Variants in FOXP4 observed in about 807,000 individuals in gnomAD.
The protein encoded by FOXP4 is forkhead box P4, also known as forkhead box protein P4.
Under a neutral mutation model 82.6 loss-of-function variants are expected in FOXP4, and 25 were observed. The ratio of observed to expected loss-of-function variants is 0.30; its 90% confidence interval spans 0.22 to 0.42. The LOEUF is 0.42. FOXP4 is among the 10% of genes least tolerant of loss of function. The pLI is 1.00. For missense variants in FOXP4, 785 were observed against 900.9 expected, an observed-to-expected ratio of 0.87 and a Z score of 1.65; for synonymous variants, 415 against 388.2, an observed-to-expected ratio of 1.07 and a Z score of -0.81.
rs758748324 is a variant in FOXP4 at position 41,587,430 on chromosome 6, G to A, written c.790G>A (p.Ala264Thr). Residue 264 changes from alanine (A) to threonine (T), a missense_variant, in exon 7 of 17, where the codon GCT becomes ACT. Transcript: ENST00000307972. The stretch of plus-strand genomic sequence containing the variant: ...GGCCGCCACCGCTACCTCGTTTGCC[G>A]CTCCCCCCAAGGTCTCACCCCCCCT... The part of the protein sequence containing the change: ...GTAATATSFA[A>T]PPKVSPPLSH... 1.4e-5 allele frequency: 22 copies of A among 1,575,054 alleles called. No homozygotes were observed. In the East Asian group the frequency reaches 2.9e-4, roughly 21 times the overall value.
At chr6:41,572,250 G>A (rs750748769) in intron 2 of FOXP4, among the ~76,000 whole-genome samples, 1 of 152,054 alleles carries the variant, frequency 6.6e-6, no homozygotes, top group Admixed American at 6.6e-5. Context: ...TGGAAGAGTT[G>A]CCTCCTCCTG....
chr6:41,560,476 G>A (rs4714483), intron 1 of FOXP4, among the ~76,000 whole-genome samples: 53,033 of 152,072 alleles, frequency 0.35, 9,855 homozygotes, highest in African/African-American at 0.48. Flanking sequence ...ACCTGTGGTC[G>A]TTCCCCACCC....
chr6:41,564,159 G>C (rs1764744639), intron 1 of FOXP4, among the ~76,000 whole-genome samples: 1 of 152,198 alleles, frequency 6.6e-6, no homozygotes, highest in Admixed American at 6.5e-5. Flanking sequence ...TCATACTAAA[G>C]ATATTGGAAC....
chr6:41,586,305 A>C (rs1766115328), intron 5 of FOXP4, among the ~76,000 whole-genome samples: 1 of 150,712 alleles, frequency 6.6e-6, no homozygotes, highest in Non-Finnish European at 1.5e-5. Context: ...CCCAGCAGGC[A>C]GGCAGAGACA....
chr6:41,596,230 C>G (rs1220911622), intron 14 of FOXP4, among the ~76,000 whole-genome samples: 1 of 152,224 alleles, frequency 6.6e-6, no homozygotes, highest in Non-Finnish European at 1.5e-5. Flanking sequence ...AACTGAGGAG[C>G]CTGGGACAGG....
intron 3 of FOXP4, among the ~76,000 whole-genome samples, chr6:41,580,887 A>G (rs1765760932): frequency 6.6e-6 from 1 of 152,158 alleles, no homozygotes; most frequent in South Asian, 2.1e-4. Flanking sequence ...AGCCACGTTC[A>G]CCATCCCTCT....
At chr6:41,555,612 G>A (rs73733276) in intron 1 of FOXP4, among the ~76,000 whole-genome samples, 1,983 of 152,268 alleles carry the variant, frequency 0.013, 30 homozygotes, top group African/African-American at 0.043. Context: ...GGCCCTGGGC[G>A]AATTGCCCCT....
At chr6:41,597,710 G>A in intron 15 of FOXP4, 71 bp from the exon 16 acceptor site, 3 of 1,531,922 alleles carry the variant, frequency 2.0e-6, no homozygotes, top group Non-Finnish European at 2.6e-6. Flanking sequence ...GGGCGGGGAA[G>A]GCACAGCACT....
chr6:41,578,856 TC>T (rs1194150154), intron 3 of FOXP4, among the ~76,000 whole-genome samples: 4 of 151,084 alleles, frequency 2.6e-5, no homozygotes, highest in Non-Finnish European at 4.4e-5. Context: ...GGATCCATGC[TC>T]CCCCCACCCC....
At chr6:41,574,259 T>C (rs1765353861) in intron 2 of FOXP4, among the ~76,000 whole-genome samples, 1 of 152,168 alleles carries the variant, frequency 6.6e-6, no homozygotes, top group African/African-American at 2.4e-5. Flanking sequence ...CGCTGGACTG[T>C]GCATGGGATC....
In FOXP4 at chr6:41,591,461, C is replaced by A; in HGVS notation, c.1536+139C>A. ...CAGCCACCCAAGGGCCCAGCCAGGGCTGCATGCCCACGCCCACCTCAGCAG... is the reference window on the plus strand; with the variant it reads ...CAGCCACCCAAGGGCCCAGCCAGGGATGCATGCCCACGCCCACCTCAGCAG... On this transcript the variant is annotated intron_variant, in intron 13 of 16. Coordinates refer to ENST00000307972, the MANE Select transcript of FOXP4 (RefSeq NM_001012426.2). This position sits in a 1 kb window ranked among gnomAD's most constrained non-coding sequence, Gnocchi z 4.2. The A allele has an allele frequency of 1.4e-6, 1 of 717,046 alleles. No individual in the cohort carries two copies. The highest frequency in any genetic ancestry group is 2.4e-6 in the Non-Finnish European group (1 of 415,734). The allele number at this position is 717,046 out of a possible 1,614,324, so 44.4% of individuals were successfully genotyped here. A position where few individuals can be genotyped will look rare whatever the true frequency, so the allele number is the denominator to read the frequency against.
At chr6:41,563,698 G>A (rs898207353) in intron 1 of FOXP4, among the ~76,000 whole-genome samples, 3 of 152,216 alleles carry the variant, frequency 2.0e-5, no homozygotes, top group African/African-American at 7.2e-5. Context: ...TTGGGGGCTT[G>A]CTCTGTCAGG....
Position 41,563,184 on chromosome 6 carries a change from C to T in FOXP4, c.-16-2561C>T, listed in dbSNP as rs536970595. ...ACTCAGACTTACTGGGACAGTGACA[C>T]CCAGAGTCACAGATGAAGAGGGGCC... On this transcript the variant is annotated intron_variant, in intron 1 of 16. Coordinates refer to ENST00000307972, the MANE Select transcript of FOXP4 (RefSeq NM_001012426.2). 2.0e-5 allele frequency among the ~76,000 whole-genome samples: 3 copies of T among 152,302 alleles called. No homozygotes were observed. In the East Asian group the frequency reaches 5.8e-4, roughly 29 times the overall value.
chr6:41,554,592 G>GCTCATGCCTGTAGTCCCAGCAC (rs1343397702), intron 1 of FOXP4, among the ~76,000 whole-genome samples: 16 of 152,234 alleles, frequency 1.1e-4, no homozygotes, highest in Non-Finnish European at 2.1e-4. Context: ...AGGCACAGTG[G>GCTCATGCCTGTAGTCCCAGCAC]CTCATGCCTG....
At chr6:41,594,844 T>A (rs370240207) in intron 13 of FOXP4, 26 bp from the exon 14 acceptor site, 9 of 1,613,232 alleles carry the variant, frequency 5.6e-6, no homozygotes, top group Middle Eastern at 1.7e-4. Context: ...AAGCCGCCTC[T>A]GAGCTCCTCT....
Position 41,588,712 on chromosome 6 carries a change from T to C in FOXP4, c.1046T>C (p.Val349Ala). 1 of 1,613,742 alleles carries C rather than the reference T, an allele frequency of 6.2e-7. No homozygotes were observed. Among genetic ancestry groups the C allele is most frequent in the Non-Finnish European group, 8.5e-7 (1 of 1,179,998 alleles). The change falls in exon 9 of 17, where the codon GTG becomes GCG. Residue 349 changes from valine to alanine, a missense_variant. Physicochemically the swap from Val to Ala is moderately conservative, Grantham distance 64. Around this residue, in one of 3 missense-constraint regions of FOXP4, gnomAD observed 570 missense variants for 634.0 expected, o/e 0.90. Coordinates refer to ENST00000307972, the MANE Select transcript of FOXP4 (RefSeq NM_001012426.2). ...CAGTGCCGGGTACAGATGCAGGTGG[T>C]GCAGCAGCTGGAGATCCAGGTGTGG... ...TAQCRVQMQV[V>A]QQLEIQLAKE...
intron 1 of FOXP4, among the ~76,000 whole-genome samples, chr6:41,560,621 G>A (rs1482638689): frequency 6.6e-6 from 1 of 152,220 alleles, no homozygotes; most frequent in Non-Finnish European, 1.5e-5. Flanking sequence ...TAAACTCCGG[G>A]CATCCATCAG....
At position 41,588,627 on chromosome 6, in the gene FOXP4, C is replaced by T. The variant is rs1215623103; in HGVS notation, c.978-17C>T. On this transcript the variant is annotated splice_polypyrimidine_tract_variant and intron_variant, in intron 8 of 16. Coordinates refer to ENST00000307972, the MANE Select transcript of FOXP4 (RefSeq NM_001012426.2). Reference sequence around the variant, plus strand: ...AAACCGGAGCCAACTTTCTCTCCTCCTCTCTTCCCCTTGAAGACACCTCAA... The same window carrying T: ...AAACCGGAGCCAACTTTCTCTCCTCTTCTCTTCCCCTTGAAGACACCTCAA... The T allele has an allele frequency of 6.2e-7, 1 of 1,613,808 alleles. No individual in the cohort carries two copies. The highest frequency in any genetic ancestry group is 8.5e-7 in the Non-Finnish European group (1 of 1,179,752).
rs890312000 is a variant in FOXP4 at position 41,593,319 on chromosome 6, C to T, written c.1537-1551C>T. 8.5e-5 allele frequency among the ~76,000 whole-genome samples: 13 copies of T among 152,152 alleles called. No homozygotes were observed. Among genetic ancestry groups the T allele is most frequent in the African/African-American group, 2.9e-4 (12 of 41,434 alleles). ...CAGACCAGGGCAGAAGGGTTGGGAGCGGGCATGGTGTGGGCCCAGCCAGCT... is the reference window on the plus strand; with the variant it reads ...CAGACCAGGGCAGAAGGGTTGGGAGTGGGCATGGTGTGGGCCCAGCCAGCT... On this transcript the variant is annotated intron_variant, in intron 13 of 16. Coordinates refer to ENST00000307972, the MANE Select transcript of FOXP4 (RefSeq NM_001012426.2). The surrounding 1 kb of genome is among the most constrained non-coding windows in gnomAD (Gnocchi z 4.1).
Sources: allele counts gnomAD v4.1 joint callset (sites outside exome capture counted in the v4.1 genomes callset), GRCh38; gene constraint gnomAD v4.1.1; regional missense constraint gnomAD v4.1.1; non-coding constraint Gnocchi (gnomAD v3.1); transcripts MANE v1.5; gene names NCBI Gene and HGNC (gene_info 2026-07-23, HGNC 2026-07-21).